The following VPS28 variants were observed in gnomAD, a reference collection of about 807,000 sequenced individuals.
VPS28 encodes the protein VPS28 subunit of ESCRT-I, also known as vacuolar protein sorting-associated protein 28 homolog.
VPS28 carries 29 observed loss-of-function variants against 33.7 expected under a neutral mutation model. The observed-to-expected ratio is 0.86, with a 90% CI of 0.64 to 1.17. The LOEUF is 1.17. Ranked by LOEUF, VPS28 falls within the 50% of genes most tolerant of loss-of-function variation. The pLI is 0.00. For synonymous variants in VPS28, 164 were observed against 116.7 expected, an observed-to-expected ratio of 1.40 and a Z score of -2.61; for missense variants, 247 against 312.2, an observed-to-expected ratio of 0.79 and a Z score of 1.57.
Position 144,424,142 on chromosome 8 carries a change from A to C in VPS28, c.457-10T>G. 6.4e-7 allele frequency: 1 copy of C among 1,550,466 alleles called. No individual in the cohort carries two copies. Among genetic ancestry groups the C allele is most frequent in the Non-Finnish European group, 8.7e-7 (1 of 1,144,816 alleles). On this transcript the variant is annotated splice_polypyrimidine_tract_variant and intron_variant, in intron 8 of 9. Transcript: ENST00000292510. Reference sequence around the variant, plus strand: ...GCAGGTCGGGCTGGATCTGAGACACACACAGCGGCTGGGACCCCGACGCCG... The same window carrying C: ...GCAGGTCGGGCTGGATCTGAGACACCCACAGCGGCTGGGACCCCGACGCCG...
intron 7 of VPS28, 125 bp downstream of exon 7, chr8:144,424,593 G>A (rs1822592569): frequency 9.1e-7 from 1 of 1,102,210 alleles, no homozygotes; most frequent in Admixed American, 2.1e-5. Flanking sequence ...AGTTAAAGGG[G>A]TTCCCTTCTG....
At chr8:144,426,112 G>T in intron 3 of VPS28, 49 bp from the exon 4 acceptor site, 2 of 1,569,218 alleles carry the variant, frequency 1.3e-6, no homozygotes, top group Non-Finnish European at 1.7e-6. Flanking sequence ...GGGGCTGCAG[G>T]ACCCTGGTGA....
At chr8:144,425,289 GA>G in intron 5 of VPS28, 1 of 587,412 alleles carries the variant, frequency 1.7e-6, no homozygotes, top group Non-Finnish European at 3.0e-6. Flanking sequence ...CCCACCCTCT[GA>G]ACCACAGCGA....
chr8:144,424,272 G>C lies in VPS28; in HGVS notation c.403-4C>G. On this transcript the variant is annotated splice_region_variant and splice_polypyrimidine_tract_variant and intron_variant, in intron 7 of 9. Coordinates refer to ENST00000292510, the MANE Select transcript of VPS28 (RefSeq NM_016208.4). ...TGTCCATGACCGTGATGAAGAGCTGGGGGCAGGTGTGCACATGAGGCTCGC... is the reference window on the plus strand; with the variant it reads ...TGTCCATGACCGTGATGAAGAGCTGCGGGCAGGTGTGCACATGAGGCTCGC... The C allele has an allele frequency of 2.5e-6, 4 of 1,600,554 alleles. No homozygotes were observed. Among genetic ancestry groups the C allele is most frequent in the Non-Finnish European group, 3.4e-6 (4 of 1,172,560 alleles).
At chr8:144,425,834 T>C in intron 4 of VPS28, 62 bp from the exon 5 acceptor site, 1 of 1,605,466 alleles carries the variant, frequency 6.2e-7, no homozygotes, top group Non-Finnish European at 8.5e-7. Context: ...CCCAGAGTGC[T>C]ACCCCCTGCC....
At position 144,427,634 on chromosome 8, in the gene VPS28, G is replaced by A. The variant is rs114028653; in HGVS notation, c.-34-655C>T. On this transcript the variant is annotated intron_variant, in intron 1 of 9. Transcript: ENST00000292510. ...GGCATGAACTTGGAGGAACCAACAA[G>A]CTGAAGGTGCAGCTTCTCGAAAGAG... 3.9e-3 allele frequency among the ~76,000 whole-genome samples: 597 copies of A among 152,296 alleles called. 5 individuals carry two copies. The highest frequency in any genetic ancestry group is 0.014 in the African/African-American group (573 of 41,554).
chr8:144,425,341 C>T, intron 5 of VPS28: 1 of 543,296 alleles, frequency 1.8e-6, no homozygotes, highest in Non-Finnish European at 3.3e-6. Context: ...AGCTCATGGT[C>T]CTGTGCGGTG....
intron 7 of VPS28, 200 bp from the exon 8 acceptor site, chr8:144,424,468 A>G (rs1586664115): frequency 6.2e-6 from 5 of 811,662 alleles, no homozygotes; most frequent in Non-Finnish European, 9.4e-6. Flanking sequence ...GTGGGCCCAC[A>G]CCCACACTCT....
chr8:144,424,650 C>G, intron 7 of VPS28, 68 bp downstream of exon 7: 2 of 1,537,518 alleles, frequency 1.3e-6, no homozygotes, highest in Non-Finnish European at 1.8e-6. Context: ...CAGGACCCTA[C>G]GCTCGTGCCC....
At chr8:144,424,629 C>T (rs554457463) in intron 7 of VPS28, 89 bp downstream of exon 7, 1 of 1,388,970 alleles carries the variant, frequency 7.2e-7, no homozygotes, top group Admixed American at 1.7e-5. Flanking sequence ...TGCTGCTCAG[C>T]TCTGGAGGCC....
intron 7 of VPS28, 189 bp downstream of exon 7, chr8:144,424,529 C>G: frequency 1.3e-6 from 1 of 799,496 alleles, no homozygotes; most frequent in Non-Finnish European, 2.0e-6. Flanking sequence ...ATCCCCCCGA[C>G]AGGAGTCCAG....
In VPS28 at chr8:144,424,826, G is replaced by C. The variant is rs1554876257; in HGVS notation, c.301-7C>G. 6.2e-7 allele frequency: 1 copy of C among 1,613,872 alleles called. No homozygotes were observed. The highest frequency in any genetic ancestry group is 1.1e-5 in the South Asian group (1 of 91,088). On this transcript the variant is annotated splice_region_variant and splice_polypyrimidine_tract_variant and intron_variant, in intron 6 of 9. Transcript: ENST00000292510. The stretch of plus-strand genomic sequence containing the variant: ...TGGCCAGCGGGCAGTCCAGCTGTTG[G>C]GGGTGACATGGGTGCTGGGGCTCTC...
chr8:144,423,800 C>G lies in VPS28; in HGVS notation c.*5G>C, dbSNP rs11558160. 4.3e-6 allele frequency: 7 copies of G among 1,613,002 alleles called. No homozygotes were observed. The highest frequency in any genetic ancestry group is 5.9e-6 in the Non-Finnish European group (7 of 1,180,046). On this transcript the variant is annotated 3_prime_UTR_variant, in exon 10 of 10. Coordinates refer to ENST00000292510, the MANE Select transcript of VPS28 (RefSeq NM_016208.4). ...CCCTTCTGTGCAAGGGCTAGTGCCC[C>G]GGGCTCAGGCATGCAGGAAGCGGTT...
In VPS28 at chr8:144,424,581, CTAGT is replaced by C. The variant is rs1481418335; in HGVS notation, c.402+133_402+136del. On this transcript the variant is annotated intron_variant, in intron 7 of 9. Coordinates refer to ENST00000292510, the MANE Select transcript of VPS28 (RefSeq NM_016208.4). ...CCCGCATGCTGCCCACCCCTCATTC[CTAGT>C]TAAAGGGGTTCCCTTCTGCCCAGCA... 3.7e-5 allele frequency: 37 copies of C among 1,000,022 alleles called. No homozygotes were observed. In the Middle Eastern group the frequency reaches 9.5e-4, roughly 26 times the overall value. The allele number at this position is 1,000,022 out of a possible 1,614,324, so 61.9% of individuals were successfully genotyped here. A position where few individuals can be genotyped will look rare whatever the true frequency, so the allele number is the denominator to read the frequency against.
intron 2 of VPS28, 27 bp from the exon 3 acceptor site, chr8:144,426,235 G>A (rs376939918): frequency 1.1e-5 from 17 of 1,584,898 alleles, no homozygotes; most frequent in African/African-American, 1.3e-5. Flanking sequence ...AGAGCTGGCA[G>A]GCTGGCCCCA....
In VPS28 at chr8:144,426,205, G is replaced by A. The variant is rs782085877; in HGVS notation, c.41C>T (p.Pro14Leu). Residue 14 changes from proline to leucine, a missense_variant, in exon 3 of 10, where the codon CCT (proline) becomes CTT (leucine). By Grantham distance (98) the Pro-to-Leu change is moderately conservative. Coordinates refer to ENST00000292510, the MANE Select transcript of VPS28 (RefSeq NM_016208.4). Reference sequence around the variant, plus strand: ...CTCATACAGCTCCGGCTTGTTCCCAGGGGCTGCAAGAGAAGGCAGAGAGCT... The same window carrying A: ...CTCATACAGCTCCGGCTTGTTCCCAAGGGCTGCAAGAGAAGGCAGAGAGCT... ...GIPATPGIGA[P>L]GNKPELYEEV... 6.9e-6 allele frequency: 11 copies of A among 1,603,694 alleles called. No homozygotes were observed. The highest frequency in any genetic ancestry group is 1.3e-5 in the African/African-American group (1 of 74,682).
rs905575668 is a variant in VPS28 at position 144,426,078 on chromosome 8, G to A, written c.67-15C>T. ...AACTTCACTTCCTGCCGGAGAGAGC[G>A]GGCTCTGTGGGCCAGTGCCAACAGG... On this transcript the variant is annotated splice_polypyrimidine_tract_variant and intron_variant, in intron 3 of 9. Transcript: ENST00000292510. The A allele has an allele frequency of 1.0e-5, 16 of 1,549,976 alleles. No homozygotes were observed. Among genetic ancestry groups the A allele is most frequent in the Non-Finnish European group, 1.3e-5 (15 of 1,144,446 alleles).
intron 2 of VPS28, 119 bp downstream of exon 2, chr8:144,426,790 C>T (rs1564720612): frequency 2.5e-6 from 3 of 1,185,368 alleles, no homozygotes; most frequent in Non-Finnish European, 3.6e-6. Context: ...CCTGGCCACC[C>T]CCAAGGCTGT....
At chr8:144,424,435 G>A (rs1822580452) in intron 7 of VPS28, 167 bp from the exon 8 acceptor site, 1 of 974,016 alleles carries the variant, frequency 1.0e-6, no homozygotes, top group African/African-American at 1.6e-5. Context: ...TGGCTGCCCA[G>A]ACAGCTGTGT....
Sources: allele counts gnomAD v4.1 joint callset (sites outside exome capture counted in the v4.1 genomes callset), GRCh38; gene constraint gnomAD v4.1.1; transcripts MANE v1.5; gene names NCBI Gene and HGNC (gene_info 2026-07-23, HGNC 2026-07-21).